The following ANKRD55 variants were observed in gnomAD, a reference collection of about 807,000 sequenced individuals.
The protein encoded by ANKRD55 is ankyrin repeat domain-containing protein 55.
In ANKRD55, 41 loss-of-function variants were observed where a neutral mutation model predicts 60.6. That is an observed-to-expected ratio of 0.68 (90% CI 0.53 to 0.88). The LOEUF (loss-of-function observed/expected upper bound fraction) is 0.88, where lower values mean the gene tolerates loss of function less well. Among genes scored for constraint, ANKRD55 ranks in the 40% least tolerant of loss-of-function variants. The pLI is 0.00. For synonymous variants in ANKRD55, 264 were observed against 290.3 expected (o/e 0.91, Z 0.92); for missense variants, 732 against 767.6 (o/e 0.95, Z 0.55).
At chr5:56,132,079 C>T (rs1201897353) in intron 7 of ANKRD55, among the ~76,000 whole-genome samples, 1 of 151,542 alleles carries the variant, frequency 6.6e-6, no homozygotes, top group Non-Finnish European at 1.5e-5. Flanking sequence ...TGACAGCAAT[C>T]ATACTAGGGA....
intron 2 of ANKRD55, among the ~76,000 whole-genome samples, chr5:56,208,714 C>T (rs1462961373): frequency 2.6e-5 from 4 of 152,154 alleles, no homozygotes; most frequent in African/African-American, 7.2e-5. Flanking sequence ...TGAGCCACCG[C>T]GCCCAGTCCT....
chr5:56,202,665 G>T (rs1049168356), intron 2 of ANKRD55, among the ~76,000 whole-genome samples: 1 of 152,204 alleles, frequency 6.6e-6, no homozygotes, highest in African/African-American at 2.4e-5. Context: ...GAAAAGAAGA[G>T]ATTTCATTCT....
intron 2 of ANKRD55, among the ~76,000 whole-genome samples, chr5:56,187,470 T>C (rs1304374991): frequency 6.6e-6 from 1 of 152,224 alleles, no homozygotes; most frequent in African/African-American, 2.4e-5. Context: ...CTGTTTTCAC[T>C]CTATTAAATC....
intron 2 of ANKRD55, among the ~76,000 whole-genome samples, chr5:56,223,502 A>G (rs1183800153): frequency 2.6e-5 from 4 of 152,210 alleles, no homozygotes; most frequent in Non-Finnish European, 5.9e-5. Context: ...CACACATAAC[A>G]ATATTAACCT....
At chr5:56,230,977 T>C (rs1561301618) in intron 2 of ANKRD55, among the ~76,000 whole-genome samples, 2 of 107,752 alleles carry the variant, frequency 1.9e-5, no homozygotes, top group Middle Eastern at 8.4e-3. Flanking sequence ...GCTTTTTATA[T>C]GTTATTATTT....
In ANKRD55 at chr5:56,103,635, G is replaced by A. The variant is rs143915557; in HGVS notation, c.1631-1049C>T. Among the ~76,000 whole-genome samples the A allele has an allele frequency of 1.7e-3, 265 of 152,206 alleles. 1 individual carries two copies. The highest frequency in any genetic ancestry group is 6.1e-3 in the African/African-American group (255 of 41,526). ...CATATACAAAATGGTGAAAATAATT[G>A]TATATCTTTTCCACTTGTCATGAGG... On this transcript the variant is annotated intron_variant, in intron 10 of 11. Transcript: ENST00000341048.
In ANKRD55 at chr5:56,159,896, G is replaced by A. The variant is rs577088761; in HGVS notation, c.423-3C>T. 8 of 1,613,102 alleles carry A rather than the reference G, an allele frequency of 5.0e-6. 1 individual carries two copies. The South Asian group carries it at 7.7e-5, about 16-fold the overall frequency. On this transcript the variant is annotated splice_polypyrimidine_tract_variant and splice_region_variant and intron_variant, in intron 5 of 11. Transcript: ENST00000341048. Reference sequence around the variant, plus strand: ...GTTGCAACAGGACCGTGAGGAGCCTGTAAGGAAAAAATAGGAGAAATGGCT... The same window carrying A: ...GTTGCAACAGGACCGTGAGGAGCCTATAAGGAAAAAATAGGAGAAATGGCT...
chr5:56,207,864 T>C (rs1303908563), intron 2 of ANKRD55, among the ~76,000 whole-genome samples: 1 of 152,202 alleles, frequency 6.6e-6, no homozygotes, highest in African/African-American at 2.4e-5. Context: ...TATAAACAAA[T>C]GTTTTCTTCT....
intron 2 of ANKRD55, among the ~76,000 whole-genome samples, chr5:56,213,484 A>C (rs1327540008): frequency 6.6e-6 from 1 of 152,036 alleles, no homozygotes; most frequent in African/African-American, 2.4e-5. Flanking sequence ...AGAAAACAAC[A>C]AACAAAAAGT....
intron 5 of ANKRD55, among the ~76,000 whole-genome samples, chr5:56,168,397 A>G (rs992598014): frequency 6.6e-6 from 1 of 152,206 alleles, no homozygotes; most frequent in Non-Finnish European, 1.5e-5. Context: ...CTCATTAGTC[A>G]CTTAGGAGAC....
chr5:56,202,637 C>A (rs1759405880), intron 2 of ANKRD55, among the ~76,000 whole-genome samples: 1 of 152,170 alleles, frequency 6.6e-6, no homozygotes, highest in Non-Finnish European at 1.5e-5. Context: ...GCAAAGTGAC[C>A]TTCATACCGT....
Position 56,102,651 on chromosome 5 carries a change from T to C in ANKRD55, c.1631-65A>G, listed in dbSNP as rs1473051732. 4 of 1,102,782 alleles carry C rather than the reference T, an allele frequency of 3.6e-6. No homozygotes were observed. In the East Asian group the frequency reaches 9.6e-5, roughly 26 times the overall value. The allele number at this position is 1,102,782 out of a possible 1,614,324, so 68.3% of individuals were successfully genotyped here. A position where few individuals can be genotyped will look rare whatever the true frequency, so the allele number is the denominator to read the frequency against. On this transcript the variant is annotated intron_variant, in intron 10 of 11. Transcript: ENST00000341048. Reference sequence around the variant, plus strand: ...ACCAAGTGCAAATTACAGAATGCAATGGATAAGAGAATCATCAAAGTTGTT... The same window carrying C: ...ACCAAGTGCAAATTACAGAATGCAACGGATAAGAGAATCATCAAAGTTGTT...
In ANKRD55 at chr5:56,116,730, G is replaced by A. The variant is rs1289669836; in HGVS notation, c.850C>T (p.Leu284=). Reference sequence around the variant, plus strand: ...TTGCTGTCCATTCCCAACTCCAGCAGTGACTGGACACATTCGGCCTTCCCT... The same window carrying A: ...TTGCTGTCCATTCCCAACTCCAGCAATGACTGGACACATTCGGCCTTCCCT... The part of the protein sequence containing the change: ...AAGKAECVQS[L]LELGMDSNLR... The change falls in exon 9 of 12, where the codon CTG becomes TTG. Residue 284 remains leucine, a synonymous_variant. Transcript: ENST00000341048. 2.5e-6 allele frequency: 4 copies of A among 1,613,962 alleles called. No individual in the cohort carries two copies. The African/African-American group carries it at 4.0e-5, about 16-fold the overall frequency.
At chr5:56,110,383 A>G (rs1756646402) in intron 10 of ANKRD55, among the ~76,000 whole-genome samples, 1 of 152,324 alleles carries the variant, frequency 6.6e-6, no homozygotes, top group South Asian at 2.1e-4. Flanking sequence ...TGGGTGACAG[A>G]GTGTGACCTT....
At chr5:56,199,966 A>G (rs1344012892) in intron 2 of ANKRD55, among the ~76,000 whole-genome samples, 1 of 152,112 alleles carries the variant, frequency 6.6e-6, no homozygotes, top group African/African-American at 2.4e-5. Context: ...GCAACACAGC[A>G]TCTCTACAAT....
chr5:56,164,530 GA>G (rs964931867), intron 5 of ANKRD55, among the ~76,000 whole-genome samples: 19 of 152,082 alleles, frequency 1.2e-4, no homozygotes, highest in African/African-American at 3.6e-4. Context: ...TGACAGGGAG[GA>G]AAAAAAGTCT....
chr5:56,149,775 C>T (rs1274451172), intron 6 of ANKRD55, among the ~76,000 whole-genome samples: 1 of 151,866 alleles, frequency 6.6e-6, no homozygotes, highest in Non-Finnish European at 1.5e-5. Context: ...AGAGCTCTAT[C>T]CATGGATAGA....
chr5:56,112,435 G>A (rs958419223), intron 9 of ANKRD55, among the ~76,000 whole-genome samples: 3 of 146,106 alleles, frequency 2.1e-5, no homozygotes, highest in African/African-American at 5.0e-5. Context: ...GGGAGGCTGA[G>A]GCAGGAGGAT....
At chr5:56,219,939 G>A (rs538609655) in intron 2 of ANKRD55, among the ~76,000 whole-genome samples, 1 of 152,316 alleles carries the variant, frequency 6.6e-6, no homozygotes, top group Admixed American at 6.5e-5. Flanking sequence ...TGAATATCAG[G>A]TACCCAGCAC....
Sources: allele counts gnomAD v4.1 joint callset (sites outside exome capture counted in the v4.1 genomes callset), GRCh38; gene constraint gnomAD v4.1.1; transcripts MANE v1.5; gene names NCBI Gene and HGNC (gene_info 2026-07-23, HGNC 2026-07-21).